Variants in RHEB observed in about 807,000 individuals in gnomAD.
RHEB encodes GTP-binding protein Rheb.
RHEB carries 2 observed loss-of-function variants against 28.8 expected under a neutral mutation model. The observed-to-expected ratio is 0.07, with a 90% confidence interval of 0.03 to 0.22. The LOEUF is 0.22. RHEB is among the 10% of genes least tolerant of loss of function. RHEB has a pLI of 1.00. For synonymous variants in RHEB, 69 were observed against 77.3 expected, an observed-to-expected ratio of 0.89 and a Z score of 0.56; for missense variants, 76 against 219.9, an observed-to-expected ratio of 0.35 and a Z score of 4.14.
rs533334938 is a variant in RHEB at position 151,472,793 on chromosome 7, T to C, written c.276-1188A>G. Among the ~76,000 whole-genome samples the C allele has an allele frequency of 6.6e-6, 1 of 152,226 alleles. No individual in the cohort carries two copies. The highest frequency in any genetic ancestry group is 6.5e-5 in the Admixed American group (1 of 15,296). On this transcript the variant is annotated intron_variant, in intron 4 of 7. Coordinates refer to ENST00000262187, the MANE Select transcript of RHEB (RefSeq NM_005614.4). The surrounding 1 kb of genome is among the most constrained non-coding windows in gnomAD (Gnocchi z 5.2). ...AGCTTGTTGAATGAATTACACACTG[T>C]GCTATTTTAAACGATGTGTGCTGTC...
At chr7:151,505,276 T>C (rs1407420037) in intron 1 of RHEB, among the ~76,000 whole-genome samples, 3 of 152,172 alleles carry the variant, frequency 2.0e-5, no homozygotes, top group African/African-American at 7.2e-5. Flanking sequence ...AAAATATTCA[T>C]TAAATACACA....
intron 1 of RHEB, 57 bp from the exon 2 acceptor site, chr7:151,491,071 A>G: frequency 7.7e-7 from 1 of 1,304,760 alleles, no homozygotes; most frequent in Non-Finnish European, 1.1e-6. Flanking sequence ...AAAATTTTTA[A>G]TTTTGCTGTT....
chr7:151,489,729 T>C (rs1201901847), intron 2 of RHEB, among the ~76,000 whole-genome samples: 5 of 152,254 alleles, frequency 3.3e-5, no homozygotes, highest in Non-Finnish European at 5.9e-5. Flanking sequence ...TAAAACTTTA[T>C]AGAGGTTAAC....
chr7:151,506,875 G>A (rs1802891054), intron 1 of RHEB, among the ~76,000 whole-genome samples: 1 of 152,166 alleles, frequency 6.6e-6, no homozygotes, highest in Non-Finnish European at 1.5e-5. Flanking sequence ...ACACAGCTGG[G>A]AAGGCGGGGC....
intron 1 of RHEB, among the ~76,000 whole-genome samples, chr7:151,504,402 C>T (rs982042640): frequency 1.3e-5 from 2 of 152,096 alleles, no homozygotes; most frequent in Non-Finnish European, 2.9e-5. Flanking sequence ...TAGCAAAATC[C>T]GAGTGTGATG....
intron 2 of RHEB, among the ~76,000 whole-genome samples, chr7:151,488,987 C>G (rs1802530322): frequency 6.6e-6 from 1 of 152,166 alleles, no homozygotes; most frequent in Non-Finnish European, 1.5e-5. Context: ...GCTGCCCAGG[C>G]TGGAGTACAG....
chr7:151,482,693 G>A (rs1218136360), intron 3 of RHEB, among the ~76,000 whole-genome samples: 1 of 152,132 alleles, frequency 6.6e-6, no homozygotes, highest in South Asian at 2.1e-4. Context: ...GTATTTCTTT[G>A]CCCAGGACAT....
At chr7:151,517,330 TGCA>T (rs1803099082) in intron 1 of RHEB, among the ~76,000 whole-genome samples, 3 of 148,546 alleles carry the variant, frequency 2.0e-5, no homozygotes, top group African/African-American at 7.5e-5. Flanking sequence ...ATCGCGCCAT[TGCA>T]CTCCAGCCTG....
At chr7:151,471,288 G>A (rs765896385) in intron 6 of RHEB, 106 bp downstream of exon 6, 9 of 806,966 alleles carry the variant, frequency 1.1e-5, no homozygotes, top group South Asian at 1.0e-4. Context: ...ACCTCTGAAC[G>A]GATAAAAATG....
At position 151,506,122 on chromosome 7, in the gene RHEB, T is replaced by C. The variant is rs188428600; in HGVS notation, c.52+13338A>G. ...CACTTAAAATGGATACTTTATTATATGTAAATTACACCTCAATAAACTTGA... is the reference window on the plus strand; with the variant it reads ...CACTTAAAATGGATACTTTATTATACGTAAATTACACCTCAATAAACTTGA... On this transcript the variant is annotated intron_variant, in intron 1 of 7. Transcript: ENST00000262187. Among the ~76,000 whole-genome samples the C allele has an allele frequency of 8.2e-4, 125 of 152,164 alleles. 2 individuals are homozygous for C. Among genetic ancestry groups the C allele is most frequent in the Admixed American group, 4.6e-3 (70 of 15,278 alleles).
intron 1 of RHEB, among the ~76,000 whole-genome samples, chr7:151,505,639 T>C (rs1187413282): frequency 6.6e-6 from 1 of 152,190 alleles, no homozygotes; most frequent in Non-Finnish European, 1.5e-5. Flanking sequence ...GACTCAGCAA[T>C]ATCACACCTA....
rs188940747 is a variant in RHEB, at chr7:151,469,279, G to A, written c.462+1292C>T. On this transcript the variant is annotated intron_variant, in intron 7 of 7. Transcript: ENST00000262187. Reference sequence around the variant, plus strand: ...ACTATCACAGGATACTTGGGCTGACGGATAACCCACTGTGCTAAACATTAT... The same window carrying A: ...ACTATCACAGGATACTTGGGCTGACAGATAACCCACTGTGCTAAACATTAT... Among the ~76,000 whole-genome samples the A allele has an allele frequency of 5.3e-5, 8 of 152,220 alleles. No homozygotes were observed. The East Asian group carries it at 7.7e-4, about 15-fold the overall frequency.
intron 4 of RHEB, among the ~76,000 whole-genome samples, chr7:151,473,803 T>A (rs1802210931): frequency 6.6e-6 from 1 of 152,222 alleles, no homozygotes; most frequent in African/African-American, 2.4e-5. Context: ...TGCAAACTTT[T>A]GAAGTATGTG....
Position 151,509,688 on chromosome 7 carries a change from G to T in RHEB, c.52+9772C>A, listed in dbSNP as rs551906300. Among the ~76,000 whole-genome samples the T allele has an allele frequency of 2.6e-5, 4 of 152,278 alleles. No homozygotes were observed. The East Asian group carries it at 5.8e-4, about 22-fold the overall frequency. Reference sequence around the variant, plus strand: ...CACTACAGACCAGGGGCCAAATTTGGCCTACAGCCTGTTTTGGTTTTGTAC... The same window carrying T: ...CACTACAGACCAGGGGCCAAATTTGTCCTACAGCCTGTTTTGGTTTTGTAC... On this transcript the variant is annotated intron_variant, in intron 1 of 7. Coordinates refer to ENST00000262187, the MANE Select transcript of RHEB (RefSeq NM_005614.4).
At chr7:151,469,463 C>T (rs1051858178) in intron 7 of RHEB, among the ~76,000 whole-genome samples, 1 of 152,054 alleles carries the variant, frequency 6.6e-6, no homozygotes, top group African/African-American at 2.4e-5. Flanking sequence ...CTCCGTGCTG[C>T]GGAGAGGGGC....
At chr7:151,514,987 C>T (rs1279131668) in intron 1 of RHEB, among the ~76,000 whole-genome samples, 1 of 150,646 alleles carries the variant, frequency 6.6e-6, no homozygotes, top group African/African-American at 2.5e-5. Context: ...TGCAGTGAGC[C>T]ATGATAGCTC....
intron 1 of RHEB, chr7:151,501,965 C>T: frequency 3.1e-6 from 2 of 638,860 alleles, no homozygotes; most frequent in Non-Finnish European, 2.9e-6. Context: ...GGGCTGGGCG[C>T]CGTGGCTCAC....
chr7:151,519,610 T>A lies in RHEB; in HGVS notation c.-99A>T. 1.1e-5 allele frequency: 13 copies of A among 1,215,318 alleles called. No individual in the cohort carries two copies. The South Asian group carries it at 1.9e-4, about 18-fold the overall frequency. The allele number at this position is 1,215,318 out of a possible 1,614,324, so 75.3% of individuals were successfully genotyped here. ...GCGGCCGCGCCGGGAGAGAGCGGCA[T>A]ACAGAGCAGGGGCGGCGGCGGGCGC... On this transcript the variant is annotated 5_prime_UTR_variant, in exon 1 of 8. An upstream start codon of the reference 5' UTR is lost. Transcript: ENST00000262187.
chr7:151,476,309 T>C (rs974434858), intron 4 of RHEB, among the ~76,000 whole-genome samples: 7 of 152,218 alleles, frequency 4.6e-5, no homozygotes, highest in African/African-American at 1.7e-4. Flanking sequence ...CAGCCACATG[T>C]GGCTACTGAG....
Sources: gnomAD v4.1 joint callset for allele counts (sites outside exome capture counted in the v4.1 genomes callset) on GRCh38, gnomAD v4.1.1 for gene constraint, Gnocchi (gnomAD v3.1) non-coding constraint, MANE v1.5 for transcripts, NCBI Gene and HGNC (gene_info 2026-07-23, HGNC 2026-07-21) for gene names.